OPCML: variants seen among roughly 807,000 people sequenced by gnomAD.
OPCML encodes the protein opioid-binding protein/cell adhesion molecule.
A neutral mutation model predicts 37.8 loss-of-function variants in OPCML; 13 were observed. The observed-to-expected ratio is 0.34, with a 90% confidence interval of 0.22 to 0.55. The LOEUF is 0.55. Ranked by LOEUF, OPCML falls within the 20% of genes least tolerant of loss-of-function variation. The pLI is 0.91. For missense variants in OPCML, 341 were observed against 435.6 expected (o/e 0.78, Z 1.93); for synonymous variants, 176 against 168.8 (o/e 1.04, Z -0.33).
At chr11:133,364,740 T>TA (rs1243681732) in intron 1 of OPCML, among the ~76,000 whole-genome samples, 1 of 152,208 alleles carries the variant, frequency 6.6e-6, no homozygotes, top group Non-Finnish European at 1.5e-5. Flanking sequence ...ATTCTTAGAA[T>TA]ACTGCCTGGC....
intron 7 of OPCML, chr11:132,435,258 G>A (rs2096009194): frequency 7.8e-7 from 1 of 1,288,832 alleles, no homozygotes; most frequent in African/African-American, 1.5e-5. Context: ...CATTTCAGAT[G>A]GTTGGTGGAC....
chr11:132,519,001 A>G (rs2096286330), intron 4 of OPCML, among the ~76,000 whole-genome samples: 1 of 152,148 alleles, frequency 6.6e-6, no homozygotes, highest in African/African-American at 2.4e-5. Context: ...TCTCATATTT[A>G]TTCTCTAAAA....
At chr11:133,268,011 C>A (rs1941712616) in intron 1 of OPCML, among the ~76,000 whole-genome samples, 1 of 152,198 alleles carries the variant, frequency 6.6e-6, no homozygotes. Flanking sequence ...TTCTCTAGTT[C>A]ATCCAGTAGG....
Position 132,418,468 on chromosome 11 carries a change from T to C in OPCML, c.*1725A>G, listed in dbSNP as rs141567363. 2 of 152,616 alleles carry C rather than the reference T, an allele frequency of 1.3e-5. No individual in the cohort carries two copies. The highest frequency in any genetic ancestry group is 4.8e-5 in the African/African-American group (2 of 41,454). 9.5% of individuals were successfully genotyped at this position (152,616 alleles called of 1,614,324 possible). A position where few individuals can be genotyped will look rare whatever the true frequency, so the allele number is the denominator to read the frequency against. ...CTGGTGAAGTTCTTCCCCAAAGCCA[T>C]TGGAGAAGCAGCTGCATCAGAGGAA... On this transcript the variant is annotated 3_prime_UTR_variant, in exon 8 of 8. Transcript: ENST00000524381.
At chr11:133,532,042 C>T (rs1948616828) in intron 1 of OPCML, 1 of 281,120 alleles carries the variant, frequency 3.6e-6, no homozygotes, top group African/African-American at 2.3e-5. Flanking sequence ...CTGGATCCCC[C>T]GGAACAGAGA....
In OPCML at chr11:132,441,158, CTTTTTTG is replaced by C. The variant is rs1555122511; in HGVS notation, c.506-3806_506-3800del. Among the ~76,000 whole-genome samples the C allele has an allele frequency of 3.7e-5, 4 of 108,056 alleles. 1 individual carries two copies. Among genetic ancestry groups the C allele is most frequent in the Admixed American group, 9.4e-5 (1 of 10,664 alleles). The allele number at this position is 108,056 out of a possible 152,430, so 70.9% of individuals were successfully genotyped here. A position where few individuals can be genotyped will look rare whatever the true frequency, so the allele number is the denominator to read the frequency against. On this transcript the variant is annotated intron_variant, in intron 4 of 7. Transcript: ENST00000524381. ...ATTCTGAAGATGTGTTCACCAAGGA[CTTTTTTG>C]TTTTTTTTTTTTTTTTTTTTGAGAC...
chr11:133,027,299 G>A (rs527515820), intron 1 of OPCML, among the ~76,000 whole-genome samples: 1 of 152,334 alleles, frequency 6.6e-6, no homozygotes, highest in South Asian at 2.1e-4. Context: ...GGGTTACTAT[G>A]AAATAATTTA....
chr11:133,298,012 T>G (rs1219933290), intron 1 of OPCML: 1 of 152,198 alleles, frequency 6.6e-6, no homozygotes, highest in Non-Finnish European at 1.5e-5. Flanking sequence ...TTCTCCCCCT[T>G]CTCCTCCTTC....
At chr11:133,434,612 C>T (rs936507625) in intron 1 of OPCML, among the ~76,000 whole-genome samples, 1 of 151,776 alleles carries the variant, frequency 6.6e-6, no homozygotes, top group African/African-American at 2.4e-5. Context: ...GCACCCATTA[C>T]CAAGTTTATC....
chr11:133,013,437 T>A (rs975659474), intron 1 of OPCML, among the ~76,000 whole-genome samples: 4 of 152,236 alleles, frequency 2.6e-5, no homozygotes, highest in African/African-American at 7.2e-5. Flanking sequence ...TTAAGTATTC[T>A]TATAAAGGTT....
At chr11:132,590,106 A>G (rs879388868) in intron 3 of OPCML, among the ~76,000 whole-genome samples, 5 of 152,174 alleles carry the variant, frequency 3.3e-5, no homozygotes, top group Admixed American at 1.3e-4. Flanking sequence ...GGAAACTCAC[A>G]GCTGAATTCC....
At chr11:133,101,810 A>G (rs563155384) in intron 1 of OPCML, among the ~76,000 whole-genome samples, 62 of 152,350 alleles carry the variant, frequency 4.1e-4, no homozygotes, top group African/African-American at 1.5e-3. Context: ...AAAACTTGGG[A>G]GCAACCAAAG....
intron 4 of OPCML, among the ~76,000 whole-genome samples, chr11:132,441,741 C>G (rs1175646527): frequency 1.3e-5 from 2 of 152,086 alleles, no homozygotes; most frequent in African/African-American, 4.8e-5. Context: ...GTTCAATTCA[C>G]TGCATTAGCA....
rs374945239 is a variant in OPCML, at chr11:133,266,043, T to C, written c.61+266221A>G. On this transcript the variant is annotated intron_variant, in intron 1 of 7. Transcript: ENST00000524381. The stretch of plus-strand genomic sequence containing the variant: ...GCCAAGAATCAAAATAGCAATTTGA[T>C]AGCAACACTAGGAAAAAAAAAGTCA... 3.4e-4 allele frequency among the ~76,000 whole-genome samples: 51 copies of C among 152,058 alleles called. No individual in the cohort carries two copies. The South Asian group carries it at 7.5e-3, about 22-fold the overall frequency.
At chr11:132,654,385 TC>T (rs1008673812) in intron 3 of OPCML, among the ~76,000 whole-genome samples, 1 of 151,362 alleles carries the variant, frequency 6.6e-6, no homozygotes, top group African/African-American at 2.4e-5. Flanking sequence ...CAAGAGAAAC[TC>T]CTCCCCAAGA....
chr11:132,872,802 A>G (rs1942860701), intron 2 of OPCML, among the ~76,000 whole-genome samples: 1 of 152,108 alleles, frequency 6.6e-6, no homozygotes, highest in Admixed American at 6.5e-5. Flanking sequence ...TGATTTTGCT[A>G]CCATCCTCCA....
chr11:133,260,119 C>T (rs1156844227), intron 1 of OPCML, among the ~76,000 whole-genome samples: 1 of 151,644 alleles, frequency 6.6e-6, no homozygotes, highest in Non-Finnish European at 1.5e-5. Flanking sequence ...TCCTGTGGCT[C>T]TCGGGGGACA....
intron 3 of OPCML, among the ~76,000 whole-genome samples, chr11:132,596,002 G>C (rs1378040243): frequency 6.6e-6 from 1 of 152,168 alleles, no homozygotes; most frequent in African/African-American, 2.4e-5. Flanking sequence ...TTAGTTAAAA[G>C]AAGTAGCTTT....
At chr11:132,810,588 G>A (rs1379322388) in intron 2 of OPCML, among the ~76,000 whole-genome samples, 2 of 152,180 alleles carry the variant, frequency 1.3e-5, no homozygotes, top group African/African-American at 4.8e-5. Context: ...CTACTCAGGA[G>A]GCTGAGGCAG....
Sources: gnomAD v4.1 joint callset for allele counts (sites outside exome capture counted in the v4.1 genomes callset) on GRCh38, gnomAD v4.1.1 for gene constraint, MANE v1.5 for transcripts, NCBI Gene and HGNC (gene_info 2026-07-23, HGNC 2026-07-21) for gene names.